The following NRG3 variants were observed in gnomAD, a reference collection of about 807,000 sequenced individuals.
NRG3 encodes neuregulin 3, also known as pro-neuregulin-3, membrane-bound isoform.
A neutral mutation model predicts 66.9 loss-of-function variants in NRG3; 31 were observed. The ratio of observed to expected loss-of-function variants is 0.46; its 90% CI spans 0.35 to 0.63. The LOEUF (loss-of-function observed/expected upper bound fraction) is 0.63. NRG3 is among the 20% of genes least tolerant of loss of function. The probability of loss-of-function intolerance (pLI) is 0.00; values close to 1 mark genes in which losing one functional copy is unlikely to be tolerated. For synonymous variants in NRG3, 393 were observed against 359.4 expected (o/e 1.09, Z -1.06); for missense variants, 910 against 878.9 (o/e 1.04, Z -0.45).
rs1400818445 is a variant in NRG3 at position 82,251,798 on chromosome 10, G to T, written c.824-106941G>T. On this transcript the variant is annotated intron_variant, in intron 1 of 8. Coordinates refer to ENST00000372141, the MANE Select transcript of NRG3 (RefSeq NM_001010848.4). The stretch of plus-strand genomic sequence containing the variant: ...AGAGCAGCACTGACACTAAATAAAG[G>T]CCAATTAACTCCAATCACTGCAGGC... Among the ~76,000 whole-genome samples the T allele has an allele frequency of 2.6e-5, 4 of 152,260 alleles. No homozygotes were observed. In the East Asian group the frequency reaches 5.8e-4, roughly 22 times the overall value.
intron 2 of NRG3, among the ~76,000 whole-genome samples, chr10:82,596,523 C>G (rs2047290447): frequency 6.6e-6 from 1 of 152,040 alleles, no homozygotes; most frequent in Non-Finnish European, 1.5e-5. Flanking sequence ...CAGGAAGAGT[C>G]TTGGATGGAG....
At chr10:82,574,054 A>G (rs1418466140) in intron 2 of NRG3, among the ~76,000 whole-genome samples, 1 of 151,822 alleles carries the variant, frequency 6.6e-6, no homozygotes, top group East Asian at 1.9e-4. Flanking sequence ...AATGAAATGA[A>G]ATCAAAATAC....
intron 2 of NRG3, among the ~76,000 whole-genome samples, chr10:82,459,036 A>T (rs2091396898): frequency 6.6e-6 from 1 of 152,180 alleles, no homozygotes. Context: ...TAGCCAGAGC[A>T]GTTTGCTCCA....
intron 3 of NRG3, among the ~76,000 whole-genome samples, chr10:82,795,591 C>T (rs965263970): frequency 2.0e-5 from 3 of 152,166 alleles, no homozygotes; most frequent in South Asian, 2.1e-4. Context: ...GGGCAGCCTT[C>T]ATTCTACAAA....
intron 2 of NRG3, among the ~76,000 whole-genome samples, chr10:82,442,106 C>T (rs928937837): frequency 1.3e-5 from 2 of 152,138 alleles, no homozygotes; most frequent in Admixed American, 1.3e-4. Flanking sequence ...CATTCACTGA[C>T]CTGGTCCCTT....
intron 3 of NRG3, among the ~76,000 whole-genome samples, chr10:82,761,948 CTTTCTTTCTTTCT>C (rs2059333552): frequency 7.9e-6 from 1 of 126,606 alleles, no homozygotes; most frequent in African/African-American, 3.0e-5. Context: ...TTCTTTCTTT[CTTTCTTTCTTTCT>C]TTCTTTCTTT....
intron 1 of NRG3, among the ~76,000 whole-genome samples, chr10:81,980,856 C>G (rs2060307694): frequency 6.6e-6 from 1 of 152,138 alleles, no homozygotes; most frequent in African/African-American, 2.4e-5. Flanking sequence ...TTCTTTTGTG[C>G]ACACACATCT....
At chr10:82,517,206 T>G (rs542853286) in intron 2 of NRG3, among the ~76,000 whole-genome samples, 1 of 152,268 alleles carries the variant, frequency 6.6e-6, no homozygotes, top group Non-Finnish European at 1.5e-5. Flanking sequence ...TTTCTTTCTT[T>G]TATAGATACC....
intron 2 of NRG3, among the ~76,000 whole-genome samples, chr10:82,493,880 G>A (rs936280581): frequency 3.3e-5 from 5 of 151,976 alleles, no homozygotes; most frequent in Admixed American, 6.6e-5. Flanking sequence ...GAATCTACAC[G>A]GAACTTAAAC....
intron 3 of NRG3, 138 bp from the exon 4 acceptor site, chr10:82,865,273 C>A: frequency 1.4e-6 from 1 of 722,068 alleles, no homozygotes; most frequent in Non-Finnish European, 2.3e-6. Flanking sequence ...CTTTTCTAAG[C>A]AAACATAGGG....
intron 2 of NRG3, among the ~76,000 whole-genome samples, chr10:82,612,474 T>A (rs1691535882): frequency 6.6e-6 from 1 of 152,146 alleles, no homozygotes; most frequent in Admixed American, 6.6e-5. Context: ...AATAACAATA[T>A]TATATGTGAC....
intron 2 of NRG3, among the ~76,000 whole-genome samples, chr10:82,732,835 T>A (rs1008159372): frequency 6.6e-6 from 1 of 152,214 alleles, no homozygotes; most frequent in Non-Finnish European, 1.5e-5. Flanking sequence ...CCAGACGATC[T>A]TTCCATTTTC....
At chr10:82,197,275 A>T (rs1466436993) in intron 1 of NRG3, among the ~76,000 whole-genome samples, 1 of 152,132 alleles carries the variant, frequency 6.6e-6, no homozygotes. Context: ...GAACAATATA[A>T]GTCTTATTTT....
At chr10:82,442,863 A>T (rs2090511241) in intron 2 of NRG3, among the ~76,000 whole-genome samples, 1 of 133,350 alleles carries the variant, frequency 7.5e-6, no homozygotes, top group Non-Finnish European at 1.5e-5. Flanking sequence ...AGTCACTTGG[A>T]AGTGACTTCT....
chr10:82,973,807 A>G lies in NRG3; in HGVS notation c.1304A>G (p.His435Arg), dbSNP rs35072357. 2 of 1,614,090 alleles carry G rather than the reference A, an allele frequency of 1.2e-6. No individual in the cohort carries two copies. The highest frequency in any genetic ancestry group is 3.3e-5 in the Admixed American group (2 of 60,022). ...CCACAGTATTCAAAGGTGGAAAGGCATCCTGTGACTGCATTGGAGAAAATG... is the reference window on the plus strand; with the variant it reads ...CCACAGTATTCAAAGGTGGAAAGGCGTCCTGTGACTGCATTGGAGAAAATG... Reference protein sequence around the residue: ...QLQNYSKVERHPVTALEKMME... With the variant: ...QLQNYSKVERRPVTALEKMME... The change falls in exon 7 of 9, where the codon CAT becomes CGT. Residue 435 changes from histidine (H) to arginine (R), a missense_variant. Transcript: ENST00000372141.
intron 3 of NRG3, among the ~76,000 whole-genome samples, chr10:82,827,482 G>A (rs1200473322): frequency 6.6e-6 from 1 of 152,050 alleles, no homozygotes; most frequent in East Asian, 1.9e-4. Flanking sequence ...TCCATTCAGA[G>A]GAATAGCCCC....
At chr10:82,670,987 C>T (rs1245795182) in intron 2 of NRG3, among the ~76,000 whole-genome samples, 3 of 152,182 alleles carry the variant, frequency 2.0e-5, no homozygotes, top group Non-Finnish European at 4.4e-5. Flanking sequence ...ATTCTCTGCA[C>T]AGTAAGTCCA....
intron 2 of NRG3, among the ~76,000 whole-genome samples, chr10:82,557,465 G>T (rs192903845): frequency 1.1e-3 from 170 of 151,644 alleles, no homozygotes; most frequent in African/African-American, 3.8e-3. Flanking sequence ...CATATCCTCT[G>T]CTCACTTTTT....
chr10:82,148,666 C>T (rs2070449142), intron 1 of NRG3, among the ~76,000 whole-genome samples: 1 of 152,082 alleles, frequency 6.6e-6, no homozygotes, highest in Non-Finnish European at 1.5e-5. Flanking sequence ...AGGCCTGAAA[C>T]TGCATTTTTA....
Sources: allele counts gnomAD v4.1 joint callset (sites outside exome capture counted in the v4.1 genomes callset), GRCh38; gene constraint gnomAD v4.1.1; transcripts MANE v1.5; gene names NCBI Gene and HGNC (gene_info 2026-07-23, HGNC 2026-07-21).